The following ARHGAP6 variants were observed in gnomAD, a reference collection of about 807,000 sequenced individuals.
ARHGAP6 encodes Rho GTPase activating protein 6.
In ARHGAP6, 16 loss-of-function variants were observed where a neutral mutation model predicts 55.7. The ratio of observed to expected loss-of-function variants is 0.29; its 90% CI spans 0.19 to 0.44. The LOEUF (loss-of-function observed/expected upper bound fraction) is 0.44. Among genes scored for constraint, ARHGAP6 ranks in the 20% least tolerant of loss-of-function variants. The pLI is 1.00. For missense variants in ARHGAP6, 698 were observed against 808.9 expected (o/e 0.86, Z 1.66); for synonymous variants, 382 against 360.9 (o/e 1.06, Z -0.66).
At chrX:11,374,745 TTGTC>T (rs1258336868) in intron 1 of ARHGAP6, among the ~76,000 whole-genome samples, 4 of 112,453 alleles carry the variant, frequency 3.6e-5, no homozygotes, top group African/African-American at 1.3e-4. Context: ...AGGGCTTTCT[TTGTC>T]TGACTATCTA....
At chrX:11,454,006 C>G (rs780857303) in intron 1 of ARHGAP6, among the ~76,000 whole-genome samples, 1 of 110,996 alleles carries the variant, frequency 9.0e-6, no homozygotes, top group Non-Finnish European at 1.9e-5. Flanking sequence ...TGCAGTGGCA[C>G]GATCTCGGCT....
chrX:11,156,584 C>A lies in ARHGAP6; in HGVS notation c.1852G>T (p.Glu618Ter). The A allele has an allele frequency of 8.3e-7, 1 of 1,211,664 alleles. No homozygotes were observed. The highest frequency in any genetic ancestry group is 1.1e-6 in the Non-Finnish European group (1 of 895,329). ...TAGTCCACGACATCAGGATCGGTCT[C>A]TAACAGGCTGATCAGCACTTCGTTC... ...LQNEVLISLL[E>*]TDPDVVDYLL... The change falls in exon 10 of 13, where the codon GAG becomes TAG. Residue 618 changes from glutamate to a stop codon, truncating the protein, a stop_gained. Coordinates refer to ENST00000337414, the MANE Select transcript of ARHGAP6 (RefSeq NM_013427.3). LOFTEE classifies it high-confidence loss of function.
chrX:11,229,516 G>A (rs1477357640), intron 2 of ARHGAP6, among the ~76,000 whole-genome samples: 3 of 112,036 alleles, frequency 2.7e-5, no homozygotes, highest in African/African-American at 6.5e-5. Context: ...TTTAAGTTTA[G>A]TATTTGTGGA....
rs1240345734 is a variant in ARHGAP6, at chrX:11,138,435, A to T, written c.*428T>A. The T allele has an allele frequency of 7.5e-6, 1 of 133,698 alleles. No homozygotes were observed. The highest frequency in any genetic ancestry group is 1.4e-5 in the Non-Finnish European group (1 of 69,370). The allele number at this position is 133,698 out of a possible 1,213,427, so 11.0% of individuals were successfully genotyped here. Reference sequence around the variant, plus strand: ...TGTTTAGTATATCTCATTGCTTAATATAAGTGAAGTGATTTTTTTTTTAAA... The same window carrying T: ...TGTTTAGTATATCTCATTGCTTAATTTAAGTGAAGTGATTTTTTTTTTAAA... On this transcript the variant is annotated 3_prime_UTR_variant, in exon 13 of 13. Transcript: ENST00000337414.
chrX:11,277,129 T>C (rs1201490926), intron 1 of ARHGAP6, among the ~76,000 whole-genome samples: 1 of 111,749 alleles, frequency 8.9e-6, no homozygotes, highest in Non-Finnish European at 1.9e-5. Flanking sequence ...TAGAATCATA[T>C]AATATGTGGG....
At chrX:11,327,772 C>A (rs982590267) in intron 1 of ARHGAP6, among the ~76,000 whole-genome samples, 1 of 111,728 alleles carries the variant, frequency 9.0e-6, no homozygotes, top group African/African-American at 3.3e-5. Context: ...GCAATCATAA[C>A]CTGCTTTTGA....
intron 1 of ARHGAP6, among the ~76,000 whole-genome samples, chrX:11,264,963 A>G (rs2047605300): frequency 8.9e-6 from 1 of 112,649 alleles, no homozygotes; most frequent in South Asian, 3.6e-4. Flanking sequence ...ATTAAGTGGC[A>G]GAGTTAGGAT....
At chrX:11,333,575 G>C (rs1269942338) in intron 1 of ARHGAP6, among the ~76,000 whole-genome samples, 1 of 112,203 alleles carries the variant, frequency 8.9e-6, no homozygotes, top group Non-Finnish European at 1.9e-5. Flanking sequence ...CAGTAGAATG[G>C]GATGAAAATC....
intron 1 of ARHGAP6, among the ~76,000 whole-genome samples, chrX:11,478,721 T>C (rs2050427539): frequency 9.0e-6 from 1 of 111,653 alleles, no homozygotes; most frequent in African/African-American, 3.3e-5. Flanking sequence ...GCCAGAAAGA[T>C]TGGGGGGTTG....
intron 2 of ARHGAP6, among the ~76,000 whole-genome samples, chrX:11,253,407 G>A (rs1407290945): frequency 9.0e-6 from 1 of 111,222 alleles, no homozygotes; most frequent in Non-Finnish European, 1.9e-5. Flanking sequence ...CAAAGTAGAA[G>A]AGAAGTTTTG....
At chrX:11,453,281 C>CA (rs2050163046) in intron 1 of ARHGAP6, among the ~76,000 whole-genome samples, 2 of 89,846 alleles carry the variant, frequency 2.2e-5, no homozygotes, top group Admixed American at 2.7e-4. Flanking sequence ...CATATATATA[C>CA]TATATATATA....
chrX:11,647,194 G>A (rs2052538805), intron 1 of ARHGAP6, among the ~76,000 whole-genome samples: 1 of 112,334 alleles, frequency 8.9e-6, no homozygotes, highest in East Asian at 2.8e-4. Flanking sequence ...CCTGGCAAGT[G>A]AAAGAAAACA....
intron 1 of ARHGAP6, among the ~76,000 whole-genome samples, chrX:11,311,655 G>T (rs2048302609): frequency 1.8e-5 from 2 of 111,444 alleles, no homozygotes; most frequent in Non-Finnish European, 3.8e-5. Context: ...GAAAAATGTC[G>T]ATCAAAGTGT....
chrX:11,505,964 T>A (rs2050728028), intron 1 of ARHGAP6, among the ~76,000 whole-genome samples: 1 of 111,043 alleles, frequency 9.0e-6, no homozygotes, highest in South Asian at 3.9e-4. Flanking sequence ...GGTGATGGAA[T>A]AGTCTGTACA....
intron 1 of ARHGAP6, among the ~76,000 whole-genome samples, chrX:11,621,738 A>G (rs2052233138): frequency 9.0e-6 from 1 of 111,561 alleles, no homozygotes; most frequent in Non-Finnish European, 1.9e-5. Context: ...CGGTATTTGA[A>G]CATTAATATC....
intron 9 of ARHGAP6, among the ~76,000 whole-genome samples, chrX:11,167,307 A>G (rs933441518): frequency 9.0e-6 from 1 of 111,280 alleles, no homozygotes; most frequent in Non-Finnish European, 1.9e-5. Flanking sequence ...TAAGGGGAAA[A>G]AGCAGGGAAA....
Position 11,188,863 on chromosome X carries a change from G to A in ARHGAP6, c.942C>T (p.Ser314=), listed in dbSNP as rs1432063772. Residue 314 remains serine (S), a synonymous_variant, in exon 4 of 13, where the codon TCC becomes TCT. Transcript: ENST00000337414. ...GTCTTTTATTTCCAAATGGGAGGAG[G>A]GAAGCCACAAAGTCAGATGCATCTT... ...EQKDASDFVA[S]LLPFGNKRQN... 1 of 1,211,518 alleles carries A rather than the reference G, an allele frequency of 8.3e-7. No individual in the cohort carries two copies. Among genetic ancestry groups the A allele is most frequent in the Non-Finnish European group, 1.1e-6 (1 of 895,505 alleles).
intron 1 of ARHGAP6, among the ~76,000 whole-genome samples, chrX:11,422,731 T>G (rs2049836840): frequency 8.9e-6 from 1 of 112,156 alleles, no homozygotes; most frequent in Middle Eastern, 4.2e-3. Context: ...ACAGGAAAAG[T>G]AAATAATAAA....
intron 1 of ARHGAP6, among the ~76,000 whole-genome samples, chrX:11,585,863 C>T (rs905567548): frequency 9.0e-5 from 10 of 111,285 alleles, no homozygotes; most frequent in African/African-American, 3.3e-4. Flanking sequence ...TGGCAGAAGG[C>T]GAAGGGTGAA....
Sources: allele counts gnomAD v4.1 joint callset (sites outside exome capture counted in the v4.1 genomes callset), GRCh38; gene constraint gnomAD v4.1.1; transcripts MANE v1.5; gene names NCBI Gene and HGNC (gene_info 2026-07-23, HGNC 2026-07-21).